FILIP1L: variants seen among roughly 807,000 people sequenced by gnomAD.
The protein encoded by FILIP1L is filamin A-interacting protein 1-like.
A neutral mutation model predicts 96.6 loss-of-function variants in FILIP1L; 55 were observed. That is an observed-to-expected ratio of 0.57 (90% CI 0.46 to 0.71). The LOEUF (loss-of-function observed/expected upper bound fraction) is 0.71, where lower values mean the gene tolerates loss of function less well. Among genes scored for constraint, FILIP1L ranks in the 30% least tolerant of loss-of-function variants. FILIP1L has a pLI of 0.00. For missense variants in FILIP1L, 1,304 were observed against 1,321.2 expected (o/e 0.99, Z 0.20); for synonymous variants, 467 against 473.9 (o/e 0.99, Z 0.19).
At chr3:99,882,214 A>G (rs1705752025) in intron 4 of FILIP1L, among the ~76,000 whole-genome samples, 1 of 152,248 alleles carries the variant, frequency 6.6e-6, no homozygotes, top group Non-Finnish European at 1.5e-5. Context: ...GATTATTTTT[A>G]TGAAAATTAC....
intron 3 of FILIP1L, among the ~76,000 whole-genome samples, chr3:99,927,665 G>T (rs757246887): frequency 1.1e-4 from 16 of 152,082 alleles, no homozygotes; most frequent in African/African-American, 3.9e-4. Flanking sequence ...CACTGCGCCC[G>T]GCCCATATTT....
At chr3:99,993,912 C>G (rs564044232) in intron 1 of FILIP1L, among the ~76,000 whole-genome samples, 1 of 152,160 alleles carries the variant, frequency 6.6e-6, no homozygotes, top group African/African-American at 2.4e-5. Context: ...CTATGTTAAT[C>G]AGGGATATTG....
intron 5 of FILIP1L, among the ~76,000 whole-genome samples, chr3:99,832,444 A>G (rs1942706493): frequency 6.8e-6 from 1 of 147,544 alleles, no homozygotes; most frequent in African/African-American, 2.5e-5. Context: ...GTTAGCCAGG[A>G]TGATCTCGAT....
In FILIP1L at chr3:99,849,614, T is replaced by C; in HGVS notation, c.2062A>G (p.Lys688Glu). 2 of 1,613,464 alleles carry C rather than the reference T, an allele frequency of 1.2e-6. No individual in the cohort carries two copies. The highest frequency in any genetic ancestry group is 1.7e-6 in the Non-Finnish European group (2 of 1,179,992). The change falls in exon 5 of 6, where the codon AAG (lysine) becomes GAG (glutamate). Residue 688 changes from lysine (K) to glutamate (E), a missense_variant. Coordinates refer to ENST00000477258, the MANE Select transcript of FILIP1L (RefSeq NM_001387850.1). The stretch of plus-strand genomic sequence containing the variant: ...CTGGTCTCTGTCTTTTCTGCTAACT[T>C]GTACTTAGCAAGTTCCATTTTAACA... ...EHVKMELAKY[K>E]LAEKTETSHE...
chr3:99,953,901 C>A (rs376869680), intron 1 of FILIP1L, among the ~76,000 whole-genome samples: 4 of 152,356 alleles, frequency 2.6e-5, no homozygotes, highest in Non-Finnish European at 2.9e-5. Flanking sequence ...AGGCATACCT[C>A]CCACACTGAC....
chr3:100,051,839 A>G (rs950001638), intron 1 of FILIP1L, among the ~76,000 whole-genome samples: 4 of 149,088 alleles, frequency 2.7e-5, no homozygotes, highest in Admixed American at 6.7e-5. Flanking sequence ...ACATTTTATT[A>G]TATATATTTT....
chr3:99,986,521 C>A (rs1709346829), intron 1 of FILIP1L, among the ~76,000 whole-genome samples: 1 of 152,056 alleles, frequency 6.6e-6, no homozygotes, highest in African/African-American at 2.4e-5. Context: ...ACAGGAGTTA[C>A]AGGGCTTATA....
In FILIP1L at chr3:99,849,691, CT is replaced by C; in HGVS notation, c.1984del (p.Arg662GlyfsTer16). 1.9e-6 allele frequency: 3 copies of C among 1,613,452 alleles called. No individual in the cohort carries two copies. Among genetic ancestry groups the C allele is most frequent in the Non-Finnish European group, 2.5e-6 (3 of 1,179,934 alleles). The part of the protein sequence containing the change: ...TEDEYETLER[R>X]YANERDKAQF... ...AGCTTTGTCTCGTTCATTAGCATACCTTCGTTCTAGAGTCTCATATTCATCT... is the reference window on the plus strand; with the variant it reads ...AGCTTTGTCTCGTTCATTAGCATACCTCGTTCTAGAGTCTCATATTCATCT... On this transcript the variant is annotated frameshift_variant, in exon 5 of 6. Coordinates refer to ENST00000477258, the MANE Select transcript of FILIP1L (RefSeq NM_001387850.1). LOFTEE classifies it high-confidence loss of function.
At chr3:99,862,730 ATTCT>A (rs1474375180) in intron 4 of FILIP1L, among the ~76,000 whole-genome samples, 1 of 152,114 alleles carries the variant, frequency 6.6e-6, no homozygotes, top group Non-Finnish European at 1.5e-5. Flanking sequence ...AGACTGTTAG[ATTCT>A]TTGTGTTCGT....
intron 1 of FILIP1L, among the ~76,000 whole-genome samples, chr3:100,075,808 G>A (rs1351601032): frequency 1.3e-5 from 2 of 152,062 alleles, no homozygotes; most frequent in East Asian, 1.9e-4. Flanking sequence ...CTGACCTGGG[G>A]CAATTTATCT....
At chr3:99,965,404 G>A (rs1010522122) in intron 1 of FILIP1L, among the ~76,000 whole-genome samples, 4 of 152,172 alleles carry the variant, frequency 2.6e-5, no homozygotes, top group Admixed American at 6.5e-5. Context: ...TGCTTCTGGC[G>A]TAGTGTACTC....
rs376775033 is a variant in FILIP1L, at chr3:99,848,737, G to C, written c.2939C>G (p.Thr980Ser). Residue 980 changes from threonine to serine, a missense_variant, in exon 5 of 6, where the codon ACC (threonine) becomes AGC (serine). By Grantham distance (58) the Thr-to-Ser change is moderately conservative. Coordinates refer to ENST00000477258, the MANE Select transcript of FILIP1L (RefSeq NM_001387850.1). ...EQGMSPITMA[T>S]FARAQTPESC... ...CTCTGGGGTCTGTGCTCTGGCAAAG[G>C]TTGCCATGGTAATTGGGGACATGCC... 7.4e-6 allele frequency: 12 copies of C among 1,614,040 alleles called. No individual in the cohort carries two copies. The African/African-American group carries it at 8.0e-5, about 11-fold the overall frequency.
rs999842168 is a variant in FILIP1L at position 99,930,660 on chromosome 3, T to C, written c.252+109A>G. The C allele has an allele frequency of 7.6e-6, 9 of 1,189,104 alleles. No homozygotes were observed. In the African/African-American group the frequency reaches 1.2e-4, roughly 16 times the overall value. The allele number at this position is 1,189,104 out of a possible 1,614,324, so 73.7% of individuals were successfully genotyped here. ...TATATACTTATGCTTTGCTTTCATG[T>C]ACACACATGTATGAACCACAGATAT... On this transcript the variant is annotated intron_variant, in intron 2 of 5. Coordinates refer to ENST00000477258, the MANE Select transcript of FILIP1L (RefSeq NM_001387850.1).
intron 1 of FILIP1L, among the ~76,000 whole-genome samples, chr3:100,102,285 G>T (rs909956809): frequency 6.6e-6 from 1 of 152,100 alleles, no homozygotes; most frequent in African/African-American, 2.4e-5. Flanking sequence ...AGCACCTGTT[G>T]TTTCCTGACT....
At chr3:99,893,162 C>CTTTTTTT (rs1200176411) in intron 4 of FILIP1L, among the ~76,000 whole-genome samples, 1 of 107,648 alleles carries the variant, frequency 9.3e-6, no homozygotes, top group Non-Finnish European at 1.9e-5. Flanking sequence ...GGCATCTAGA[C>CTTTTTTT]TTTTTTTTTT....
chr3:100,006,869 C>A (rs534026217), intron 1 of FILIP1L, among the ~76,000 whole-genome samples: 1 of 152,322 alleles, frequency 6.6e-6, no homozygotes, highest in African/African-American at 2.4e-5. Flanking sequence ...TACTAAACCA[C>A]TGCAAGCTTT....
chr3:99,902,174 G>GT (rs1443860312), intron 4 of FILIP1L, among the ~76,000 whole-genome samples: 1 of 152,100 alleles, frequency 6.6e-6, no homozygotes, highest in Non-Finnish European at 1.5e-5. Context: ...TAAAATTAGT[G>GT]TAACTGACTC....
chr3:99,952,125 GGTT>G (rs965976858), intron 1 of FILIP1L, among the ~76,000 whole-genome samples: 2 of 151,930 alleles, frequency 1.3e-5, no homozygotes, highest in African/African-American at 2.4e-5. Flanking sequence ...CATCACCAGA[GGTT>G]GTTAAGAGTC....
At chr3:99,980,543 G>A (rs941855223) in intron 1 of FILIP1L, among the ~76,000 whole-genome samples, 4 of 152,072 alleles carry the variant, frequency 2.6e-5, no homozygotes, top group African/African-American at 9.7e-5. Flanking sequence ...ATTCAGTTCA[G>A]GTTTTATCCA....
Sources: gnomAD v4.1 joint callset for allele counts (sites outside exome capture counted in the v4.1 genomes callset) on GRCh38, gnomAD v4.1.1 for gene constraint, MANE v1.5 for transcripts, NCBI Gene and HGNC (gene_info 2026-07-23, HGNC 2026-07-21) for gene names.